RLF: variants seen among roughly 807,000 people sequenced by gnomAD.
RLF encodes zinc finger protein Rlf.
Under a neutral mutation model 162.9 loss-of-function variants are expected in RLF, and 7 were observed. That is an observed-to-expected ratio of 0.04 (90% CI 0.02 to 0.08). RLF has a LOEUF of 0.08. Among genes scored for constraint, RLF ranks in the 10% least tolerant of loss-of-function variants. The pLI, the probability that RLF is intolerant of heterozygous loss-of-function variation, is 1.00. For missense variants in RLF, 1,664 were observed against 2,244.7 expected (o/e 0.74, Z 5.23); for synonymous variants, 782 against 791.5 (o/e 0.99, Z 0.20).
chr1:40,205,313 G>GCAACAGAA (rs1463916054), intron 5 of RLF, among the ~76,000 whole-genome samples: 5 of 151,896 alleles, frequency 3.3e-5, no homozygotes, highest in Non-Finnish European at 5.9e-5. Flanking sequence ...TCCAGCCTGG[G>GCAACAGAA]CAACAGAACA....
chr1:40,232,149 G>T (rs962008299), intron 7 of RLF, among the ~76,000 whole-genome samples: 2 of 151,782 alleles, frequency 1.3e-5, no homozygotes, highest in Non-Finnish European at 2.9e-5. Flanking sequence ...CGGAGGTTGT[G>T]GTGAGCCAAG....
rs1643236202 is a variant in RLF, at chr1:40,237,745, T to G, written c.3043T>G (p.Cys1015Gly). The change falls in exon 8 of 8, where the codon TGC becomes GGC. Residue 1015 changes from cysteine (C) to glycine (G), a missense_variant. Physicochemically the swap from Cys to Gly is radical, Grantham distance 159. Transcript: ENST00000372771. This position sits in a 1 kb window ranked among gnomAD's most constrained non-coding sequence, Gnocchi z 4.4. ...AAAGTTGGATGCAGAACCTAAACCCTGCTCAGATACAAACAGTGACTCCCC... is the reference window on the plus strand; with the variant it reads ...AAAGTTGGATGCAGAACCTAAACCCGGCTCAGATACAAACAGTGACTCCCC... ...TEKLDAEPKP[C>G]SDTNSDSPDE... 11 of 1,614,002 alleles carry G rather than the reference T, an allele frequency of 6.8e-6. No individual in the cohort carries two copies. The highest frequency in any genetic ancestry group is 9.3e-6 in the Non-Finnish European group (11 of 1,180,006).
chr1:40,186,154 T>C (rs996375517), intron 1 of RLF, among the ~76,000 whole-genome samples: 3 of 151,680 alleles, frequency 2.0e-5, no homozygotes, highest in Admixed American at 6.6e-5. Context: ...TGAGACTTGA[T>C]TAAAAAAACA....
At chr1:40,181,055 T>C (rs556429052) in intron 1 of RLF, among the ~76,000 whole-genome samples, 1 of 152,338 alleles carries the variant, frequency 6.6e-6, no homozygotes, top group East Asian at 1.9e-4. Flanking sequence ...TTCAAGTTGG[T>C]TTATGTATAT....
At chr1:40,219,820 T>C (rs890726419) in intron 5 of RLF, among the ~76,000 whole-genome samples, 2 of 152,228 alleles carry the variant, frequency 1.3e-5, no homozygotes, top group African/African-American at 2.4e-5. Flanking sequence ...AACTGCATAA[T>C]TGGAGAAAGT....
Position 40,239,816 on chromosome 1 carries a change from A to G in RLF, c.5114A>G (p.Asn1705Ser), listed in dbSNP as rs754139657. Residue 1705 changes from asparagine (N) to serine (S), a missense_variant, in exon 8 of 8, where the codon AAT (asparagine) becomes AGT (serine). Asn to Ser is a conservative substitution (Grantham distance 46). Coordinates refer to ENST00000372771, the MANE Select transcript of RLF (RefSeq NM_012421.4). Reference sequence around the variant, plus strand: ...ATAGAAAATTCCATACCTAATCCCAATGGGACTGAAAGTGGGACTTATTTC... The same window carrying G: ...ATAGAAAATTCCATACCTAATCCCAGTGGGACTGAAAGTGGGACTTATTTC... The part of the protein sequence containing the change: ...CKIENSIPNP[N>S]GTESGTYFTS... The G allele has an allele frequency of 8.7e-6, 14 of 1,613,944 alleles. No homozygotes were observed. The highest frequency in any genetic ancestry group is 6.6e-5 in the South Asian group (6 of 91,080).
chr1:40,220,376 T>C (rs1642976227), intron 5 of RLF, among the ~76,000 whole-genome samples: 1 of 152,224 alleles, frequency 6.6e-6, no homozygotes, highest in African/African-American at 2.4e-5. Context: ...CCACTGCATG[T>C]GTTTTTCTTG....
Position 40,198,548 on chromosome 1 carries a change from G to A in RLF, c.607+2784G>A, listed in dbSNP as rs1214526751. Among the ~76,000 whole-genome samples, 3 of 152,266 alleles carry A rather than the reference G, an allele frequency of 2.0e-5. No homozygotes were observed. The South Asian group carries it at 6.2e-4, about 32-fold the overall frequency. ...ACTCCTGACCGCAGATGATCCACCT[G>A]CCTCAGCCTCCCGAAGTGCTGGGAT... On this transcript the variant is annotated intron_variant, in intron 4 of 7. Coordinates refer to ENST00000372771, the MANE Select transcript of RLF (RefSeq NM_012421.4).
intron 1 of RLF, among the ~76,000 whole-genome samples, chr1:40,174,763 C>T (rs1017460737): frequency 6.6e-6 from 1 of 152,114 alleles, no homozygotes; most frequent in African/African-American, 2.4e-5. Context: ...TTATTTGCCC[C>T]TGTAGAATAA....
chr1:40,186,181 A>G (rs1260351753), intron 1 of RLF, among the ~76,000 whole-genome samples: 1 of 151,696 alleles, frequency 6.6e-6, no homozygotes, highest in African/African-American at 2.4e-5. Context: ...AAGAAAGAAA[A>G]TGCCTGGCTA....
At chr1:40,193,412 A>G (rs1267744664) in intron 3 of RLF, among the ~76,000 whole-genome samples, 2 of 152,216 alleles carry the variant, frequency 1.3e-5, no homozygotes, top group Non-Finnish European at 2.9e-5. Flanking sequence ...ACTTTTAAAA[A>G]GAAACTCAAA....
chr1:40,199,620 A>G (rs1642683429), intron 4 of RLF, among the ~76,000 whole-genome samples: 2 of 152,208 alleles, frequency 1.3e-5, no homozygotes, highest in Admixed American at 1.3e-4. Flanking sequence ...GTTCTTCGAG[A>G]AAACTAAATG....
At chr1:40,173,186 C>T (rs1570515644) in intron 1 of RLF, among the ~76,000 whole-genome samples, 1 of 151,096 alleles carries the variant, frequency 6.6e-6, no homozygotes, top group Non-Finnish European at 1.5e-5. Context: ...AAGCGATTCT[C>T]CTGCCTCAGC....
At chr1:40,225,141 A>G (rs1643052017) in intron 6 of RLF, among the ~76,000 whole-genome samples, 2 of 152,202 alleles carry the variant, frequency 1.3e-5, no homozygotes, top group Admixed American at 1.3e-4. Context: ...GAGAGATATC[A>G]GTATTTTTTA....
Position 40,237,253 on chromosome 1 carries a change from T to G in RLF, c.2551T>G (p.Cys851Gly). Residue 851 changes from cysteine (C) to glycine (G), a missense_variant, in exon 8 of 8, where the codon TGT becomes GGT. Cys to Gly is a radical substitution (Grantham distance 159). Transcript: ENST00000372771. The surrounding 1 kb of genome is among the most constrained non-coding windows in gnomAD (Gnocchi z 4.4). Reference protein sequence around the residue: ...EESATGEKQDCINQPHLLNQT... With the variant: ...EESATGEKQDGINQPHLLNQT... ...GTCTGCAACAGGTGAAAAGCAAGATTGTATTAATCAGCCCCATCTACTTAA... is the reference window on the plus strand; with the variant it reads ...GTCTGCAACAGGTGAAAAGCAAGATGGTATTAATCAGCCCCATCTACTTAA... 1 of 1,614,042 alleles carries G rather than the reference T, an allele frequency of 6.2e-7. No individual in the cohort carries two copies. Among genetic ancestry groups the G allele is most frequent in the Non-Finnish European group, 8.5e-7 (1 of 1,179,986 alleles).
chr1:40,225,506 G>A (rs1028307840), intron 6 of RLF, among the ~76,000 whole-genome samples: 1 of 150,742 alleles, frequency 6.6e-6, no homozygotes, highest in Non-Finnish European at 1.5e-5. Flanking sequence ...TAGACCCCTG[G>A]AGGCAGAGGT....
rs1557758976 is a variant in RLF at position 40,228,130 on chromosome 1, C to A, written c.948-3387C>A. On this transcript the variant is annotated intron_variant, in intron 6 of 7. Coordinates refer to ENST00000372771, the MANE Select transcript of RLF (RefSeq NM_012421.4). Reference sequence around the variant, plus strand: ...TGAAACCCCATCTCTACTAAAATTACAAAAGTTAGCCAGGCATAGTTGCGT... The same window carrying A: ...TGAAACCCCATCTCTACTAAAATTAAAAAAGTTAGCCAGGCATAGTTGCGT... Among the ~76,000 whole-genome samples the A allele has an allele frequency of 2.0e-5, 3 of 148,382 alleles. No individual in the cohort carries two copies. In the South Asian group the frequency reaches 6.4e-4, roughly 32 times the overall value.
Position 40,238,425 on chromosome 1 carries a change from A to G in RLF, c.3723A>G (p.Lys1241=). 1.2e-6 allele frequency: 2 copies of G among 1,614,122 alleles called. No individual in the cohort carries two copies. The highest frequency in any genetic ancestry group is 1.7e-6 in the Non-Finnish European group (2 of 1,180,012). The change falls in exon 8 of 8, where the codon AAA becomes AAG. Residue 1241 remains lysine (K), a synonymous_variant. Coordinates refer to ENST00000372771, the MANE Select transcript of RLF (RefSeq NM_012421.4). This position sits in a 1 kb window ranked among gnomAD's most constrained non-coding sequence, Gnocchi z 5.2. ...LGGDPSSNSE[K]PHCHPKKDEC... Reference sequence around the variant, plus strand: ...GTGATCCCAGTAGTAACTCTGAGAAACCACACTGTCATCCTAAAAAGGATG... The same window carrying G: ...GTGATCCCAGTAGTAACTCTGAGAAGCCACACTGTCATCCTAAAAAGGATG...
In RLF at chr1:40,225,878, C is replaced by CAAAA. The variant is rs71577617; in HGVS notation, c.947+3191_947+3194dup. Among the ~76,000 whole-genome samples the CAAAA allele has an allele frequency of 4.9e-3, 73 of 14,794 alleles. 9 individuals carry two copies. Among genetic ancestry groups the CAAAA allele is most frequent in the African/African-American group, 0.016 (68 of 4,218 alleles). The allele number at this position is 14,794 out of a possible 152,430, so 9.7% of individuals were successfully genotyped here. On this transcript the variant is annotated intron_variant, in intron 6 of 7. Coordinates refer to ENST00000372771, the MANE Select transcript of RLF (RefSeq NM_012421.4). The stretch of plus-strand genomic sequence containing the variant: ...TGGGTGACAGAGCGAGACTCCGTCG[C>CAAAA]AAAAAAAAAAAAAAAAAAAAAAAAA...
Sources: allele counts gnomAD v4.1 joint callset (sites outside exome capture counted in the v4.1 genomes callset), GRCh38; gene constraint gnomAD v4.1.1; non-coding constraint Gnocchi (gnomAD v3.1); transcripts MANE v1.5; gene names NCBI Gene and HGNC (gene_info 2026-07-23, HGNC 2026-07-21).